VRK2: variants seen among roughly 807,000 people sequenced by gnomAD.
VRK2 encodes serine/threonine-protein kinase VRK2.
VRK2 carries 60 observed loss-of-function variants against 57.6 expected under a neutral mutation model. The observed-to-expected ratio is 1.04, with a 90% CI of 0.85 to 1.29. The LOEUF is 1.29. Ranked by LOEUF, VRK2 falls within the 50% of genes most tolerant of loss-of-function variation. The pLI is 0.00. For synonymous variants in VRK2, 231 were observed against 199.2 expected, an observed-to-expected ratio of 1.16 and a Z score of -1.35; for missense variants, 705 against 588.1, an observed-to-expected ratio of 1.20 and a Z score of -2.06.
At chr2:57,923,488 G>A (rs1038541958) in intron 1 of VRK2, among the ~76,000 whole-genome samples, 14 of 151,302 alleles carry the variant, frequency 9.3e-5, no homozygotes, top group African/African-American at 3.4e-4. Flanking sequence ...CAATGATGTT[G>A]AGTACCTTTT....
At chr2:57,915,613 CA>C (rs1488501188) in intron 1 of VRK2, among the ~76,000 whole-genome samples, 1 of 152,196 alleles carries the variant, frequency 6.6e-6, no homozygotes, top group African/African-American at 2.4e-5. Flanking sequence ...TAGAAATCTT[CA>C]TGAACAAGAG....
At chr2:58,124,155 C>T (rs1168919073) in intron 8 of VRK2, among the ~76,000 whole-genome samples, 1 of 152,184 alleles carries the variant, frequency 6.6e-6, no homozygotes, top group African/African-American at 2.4e-5. Flanking sequence ...TAGTTAAAGT[C>T]ATAACCTATG....
intron 1 of VRK2, among the ~76,000 whole-genome samples, chr2:57,990,813 T>C (rs1227717242): frequency 6.6e-6 from 1 of 152,000 alleles, no homozygotes; most frequent in Non-Finnish European, 1.5e-5. Flanking sequence ...GTATGTAATC[T>C]GTTCCTCTTA....
intron 2 of VRK2, among the ~76,000 whole-genome samples, chr2:58,081,490 C>G (rs1670860652): frequency 6.6e-6 from 1 of 151,288 alleles, no homozygotes; most frequent in Non-Finnish European, 1.5e-5. Flanking sequence ...TTTTTTCTTG[C>G]CATCTATTAA....
intron 3 of VRK2, among the ~76,000 whole-genome samples, chr2:58,084,371 A>T (rs1286670928): frequency 2.0e-5 from 3 of 151,646 alleles, no homozygotes; most frequent in South Asian, 4.2e-4. Context: ...TCCCTCCCAA[A>T]TGCCCTCCCA....
At chr2:58,056,426 A>G (rs747094505) in intron 2 of VRK2, among the ~76,000 whole-genome samples, 7 of 152,174 alleles carry the variant, frequency 4.6e-5, no homozygotes, top group Non-Finnish European at 7.4e-5. Context: ...CTCGGAAAAC[A>G]CAATTCATCC....
intron 2 of VRK2, among the ~76,000 whole-genome samples, chr2:58,059,867 A>C (rs896588218): frequency 6.6e-6 from 1 of 151,802 alleles, no homozygotes; most frequent in Non-Finnish European, 1.5e-5. Flanking sequence ...GAATGAACAA[A>C]CACAAGTTAC....
intron 11 of VRK2, among the ~76,000 whole-genome samples, chr2:58,143,263 C>T (rs1443905722): frequency 6.6e-6 from 1 of 151,720 alleles, no homozygotes; most frequent in Non-Finnish European, 1.5e-5. Flanking sequence ...TGTGAAGTTC[C>T]AATGGAAAAT....
chr2:58,102,298 G>C (rs1419539563), intron 7 of VRK2, among the ~76,000 whole-genome samples: 2 of 151,274 alleles, frequency 1.3e-5, no homozygotes, highest in African/African-American at 4.8e-5. Context: ...AAAATACACA[G>C]ATTGCCAGAA....
chr2:58,035,743 A>G (rs1674254474), intron 3 of VRK2, among the ~76,000 whole-genome samples: 1 of 152,096 alleles, frequency 6.6e-6, no homozygotes, highest in African/African-American at 2.4e-5. Context: ...ACAAAGCTCC[A>G]TGATGTATGA....
intron 8 of VRK2, among the ~76,000 whole-genome samples, chr2:58,124,098 G>T (rs981671094): frequency 1.1e-4 from 17 of 152,106 alleles, no homozygotes; most frequent in African/African-American, 3.6e-4. Flanking sequence ...GATATTGATT[G>T]TACTGCCTTG....
chr2:57,933,416 G>T (rs566080367), intron 1 of VRK2, among the ~76,000 whole-genome samples: 1 of 138,644 alleles, frequency 7.2e-6, no homozygotes, highest in South Asian at 2.3e-4. Context: ...AGGTTCAAGC[G>T]ATTCTTCTGC....
At chr2:57,914,269 A>C (rs1303640024) in intron 1 of VRK2, among the ~76,000 whole-genome samples, 1 of 147,694 alleles carries the variant, frequency 6.8e-6, no homozygotes, top group Non-Finnish European at 1.5e-5. Context: ...TTTTTTACTT[A>C]GGTTCCTTAT....
chr2:58,140,505 A>G (rs1681176163), intron 11 of VRK2, among the ~76,000 whole-genome samples: 1 of 152,016 alleles, frequency 6.6e-6, no homozygotes, highest in Admixed American at 6.6e-5. Context: ...CCGTATGCAC[A>G]AATAGAGTGT....
chr2:58,128,780 A>T (rs1286083196), intron 8 of VRK2, among the ~76,000 whole-genome samples: 1 of 152,176 alleles, frequency 6.6e-6, no homozygotes, highest in East Asian at 1.9e-4. Context: ...TAGGGCTAAT[A>T]CTTACTTTAA....
At chr2:57,948,678 A>T (rs17049260) in intron 1 of VRK2, among the ~76,000 whole-genome samples, 5 of 152,142 alleles carry the variant, frequency 3.3e-5, no homozygotes, top group African/African-American at 1.2e-4. Flanking sequence ...TTTGGATACC[A>T]TCTGTGTACT....
At chr2:58,144,026 TAC>T (rs1558696476) in intron 11 of VRK2, among the ~76,000 whole-genome samples, 1 of 151,238 alleles carries the variant, frequency 6.6e-6, no homozygotes, top group Non-Finnish European at 1.5e-5. Flanking sequence ...CATATATATA[TAC>T]ATATATACAC....
intron 2 of VRK2, among the ~76,000 whole-genome samples, chr2:58,067,580 T>C (rs566945376): frequency 6.6e-6 from 1 of 152,134 alleles, no homozygotes; most frequent in Non-Finnish European, 1.5e-5. Context: ...TAGCTCTTGG[T>C]TTCATTTACT....
chr2:58,157,101 G>C (rs1240838087), intron 12 of VRK2, among the ~76,000 whole-genome samples: 1 of 152,118 alleles, frequency 6.6e-6, no homozygotes, highest in African/African-American at 2.4e-5. Context: ...TCTTAGGTCT[G>C]TGTTATTTTC....
Sources: gnomAD v4.1 joint callset for allele counts (sites outside exome capture counted in the v4.1 genomes callset) on GRCh38, gnomAD v4.1.1 for gene constraint, MANE v1.5 for transcripts, NCBI Gene and HGNC (gene_info 2026-07-23, HGNC 2026-07-21) for gene names.